The following RCL1 variants were observed in gnomAD, a reference collection of about 807,000 sequenced individuals.
RCL1 encodes the protein RNA terminal phosphate cyclase like 1, also known as RNA 3'-terminal phosphate cyclase-like protein.
A neutral mutation model predicts 42.4 loss-of-function variants in RCL1; 24 were observed. That is an observed-to-expected ratio of 0.57 (90% CI 0.41 to 0.80). The LOEUF is 0.80. Ranked by LOEUF, RCL1 falls within the 30% of genes least tolerant of loss-of-function variation. The probability of loss-of-function intolerance (pLI) is 0.00; values close to 1 mark genes in which losing one functional copy is unlikely to be tolerated. For missense variants in RCL1, 578 were observed against 467.9 expected (o/e 1.24, Z -2.17); for synonymous variants, 228 against 177.3 (o/e 1.29, Z -2.27).
At chr9:4,807,920 G>T (rs1463867650) in intron 1 of RCL1, among the ~76,000 whole-genome samples, 4 of 152,060 alleles carry the variant, frequency 2.6e-5, no homozygotes, top group African/African-American at 9.7e-5. Context: ...AACATTCTCT[G>T]TATGATTTCA....
chr9:4,808,476 T>A (rs1816058972), intron 1 of RCL1, among the ~76,000 whole-genome samples: 6 of 152,116 alleles, frequency 3.9e-5, no homozygotes, highest in Admixed American at 2.6e-4. Flanking sequence ...CCTGGCTAAT[T>A]TTTGTATTTT....
At chr9:4,858,905 T>G (rs1818057504) in intron 8 of RCL1, among the ~76,000 whole-genome samples, 1 of 152,214 alleles carries the variant, frequency 6.6e-6, no homozygotes, top group African/African-American at 2.4e-5. Flanking sequence ...TTGCCAGGGA[T>G]TCTTGTTAAC....
intron 1 of RCL1, among the ~76,000 whole-genome samples, chr9:4,822,173 A>C (rs1419999937): frequency 6.6e-6 from 1 of 152,254 alleles, no homozygotes; most frequent in African/African-American, 2.4e-5. Flanking sequence ...GGACAGTGTT[A>C]TGTAACAGAC....
chr9:4,854,517 G>T (rs1024468991), intron 8 of RCL1, among the ~76,000 whole-genome samples: 6 of 152,136 alleles, frequency 3.9e-5, no homozygotes, highest in African/African-American at 1.4e-4. Context: ...GGAGGAGGAC[G>T]CAGGACCCTC....
chr9:4,797,938 T>C (rs1842940023), intron 1 of RCL1, among the ~76,000 whole-genome samples: 2 of 152,168 alleles, frequency 1.3e-5, no homozygotes, highest in Non-Finnish European at 2.9e-5. Context: ...AATTTATGCT[T>C]CCGTTTTGAG....
At position 4,833,237 on chromosome 9, in the gene RCL1, G is replaced by A. The variant is rs902812319; in HGVS notation, c.459+9G>A. On this transcript the variant is annotated intron_variant, in intron 4 of 8. Transcript: ENST00000381750. ...AATCATTTGAACTGAAGGTAAGAAT[G>A]TTTGAACTGTTGACCATATGTTCCT... 7 of 1,598,794 alleles carry A rather than the reference G, an allele frequency of 4.4e-6. No individual in the cohort carries two copies. Among genetic ancestry groups the A allele is most frequent in the Non-Finnish European group, 6.0e-6 (7 of 1,166,168 alleles).
chr9:4,833,842 T>C (rs1393679714), intron 4 of RCL1, among the ~76,000 whole-genome samples: 2 of 152,192 alleles, frequency 1.3e-5, no homozygotes, highest in Non-Finnish European at 2.9e-5. Flanking sequence ...AGAAATGGGC[T>C]CAGATGATGG....
chr9:4,819,868 A>C (rs1816530683), intron 1 of RCL1, among the ~76,000 whole-genome samples: 1 of 152,258 alleles, frequency 6.6e-6, no homozygotes, highest in South Asian at 2.1e-4. Flanking sequence ...ATATCCATGT[A>C]ATACAACTAC....
chr9:4,823,323 G>A lies in RCL1; in HGVS notation c.137-225G>A, dbSNP rs544007371. On this transcript the variant is annotated intron_variant, in intron 1 of 8. Transcript: ENST00000381750. The stretch of plus-strand genomic sequence containing the variant: ...TTTTTTACAATGTGAAAGCTGAATT[G>A]TTTCTAAGTTCTACTAAACATATAT... Among the ~76,000 whole-genome samples the A allele has an allele frequency of 2.5e-4, 32 of 126,742 alleles. No homozygotes were observed. The South Asian group carries it at 8.0e-3, about 32-fold the overall frequency. 83.1% of individuals were successfully genotyped at this position (126,742 alleles called of 152,430 possible).
intron 8 of RCL1, among the ~76,000 whole-genome samples, chr9:4,855,186 C>G (rs1038137814): frequency 6.6e-6 from 1 of 151,744 alleles, no homozygotes. Flanking sequence ...CATTTTGTCC[C>G]GGGGAAAAAA....
chr9:4,793,994 G>C (rs545829496), intron 1 of RCL1, among the ~76,000 whole-genome samples: 11 of 152,208 alleles, frequency 7.2e-5, no homozygotes, highest in African/African-American at 1.7e-4. Flanking sequence ...AATGGCGCCG[G>C]TTTTCAACTG....
intron 1 of RCL1, among the ~76,000 whole-genome samples, chr9:4,807,706 A>T (rs890649437): frequency 2.6e-5 from 4 of 152,086 alleles, no homozygotes; most frequent in East Asian, 1.9e-4. Context: ...TTTCGTAGAG[A>T]CAGGGTTTCT....
intron 1 of RCL1, among the ~76,000 whole-genome samples, chr9:4,808,237 C>T (rs192717085): frequency 6.6e-6 from 1 of 152,202 alleles, no homozygotes; most frequent in Non-Finnish European, 1.5e-5. Context: ...TTTAGGATTG[C>T]TAACATCCTC....
chr9:4,841,547 A>G (rs1817329383), intron 6 of RCL1, among the ~76,000 whole-genome samples, 190 bp downstream of exon 6: 1 of 152,246 alleles, frequency 6.6e-6, no homozygotes, highest in African/African-American at 2.4e-5. Flanking sequence ...AAAGCATCCC[A>G]GTGGCTAGAG....
chr9:4,838,036 T>A (rs1817196395), intron 5 of RCL1, among the ~76,000 whole-genome samples: 1 of 152,210 alleles, frequency 6.6e-6, no homozygotes, highest in Non-Finnish European at 1.5e-5. Context: ...TGAATGGAGA[T>A]CGCCCTCTTC....
At chr9:4,818,405 A>G (rs953536900) in intron 1 of RCL1, among the ~76,000 whole-genome samples, 18 of 152,156 alleles carry the variant, frequency 1.2e-4, no homozygotes, top group African/African-American at 2.7e-4. Flanking sequence ...CACATTGTAT[A>G]TAATAATGCA....
At chr9:4,847,997 C>A (rs565661672) in intron 7 of RCL1, among the ~76,000 whole-genome samples, 1 of 152,342 alleles carries the variant, frequency 6.6e-6, no homozygotes, top group Admixed American at 6.5e-5. Flanking sequence ...ATAGCCCCTA[C>A]CACTTCCTCC....
chr9:4,832,669 G>A (rs1471397727), intron 3 of RCL1, among the ~76,000 whole-genome samples: 1 of 151,782 alleles, frequency 6.6e-6, no homozygotes, highest in Non-Finnish European at 1.5e-5. Flanking sequence ...TTAGCTGGGC[G>A]TGGTGGCACA....
chr9:4,831,936 C>G (rs1816955167), intron 3 of RCL1, among the ~76,000 whole-genome samples: 1 of 152,166 alleles, frequency 6.6e-6, no homozygotes, highest in African/African-American at 2.4e-5. Context: ...TCTGAGGCAA[C>G]ATAGCTAATT....
Sources: gnomAD v4.1 joint callset for allele counts (sites outside exome capture counted in the v4.1 genomes callset) on GRCh38, gnomAD v4.1.1 for gene constraint, MANE v1.5 for transcripts, NCBI Gene and HGNC (gene_info 2026-07-23, HGNC 2026-07-21) for gene names.